Variants in RGS7 observed in about 807,000 individuals in gnomAD.
The protein encoded by RGS7 is regulator of G-protein signaling 7.
In RGS7, 27 loss-of-function variants were observed where a neutral mutation model predicts 81.1. The observed-to-expected ratio is 0.33, with a 90% CI of 0.25 to 0.46. RGS7 has a LOEUF of 0.46. Among genes scored for constraint, RGS7 ranks in the 20% least tolerant of loss-of-function variants. RGS7 has a pLI of 1.00. For synonymous variants in RGS7, 208 were observed against 207.7 expected, an observed-to-expected ratio of 1.00 and a Z score of -0.01; for missense variants, 396 against 607.4, an observed-to-expected ratio of 0.65 and a Z score of 3.66.
chr1:240,997,115 T>C (rs567892137), intron 3 of RGS7, among the ~76,000 whole-genome samples: 1 of 152,034 alleles, frequency 6.6e-6, no homozygotes, highest in South Asian at 2.1e-4. Flanking sequence ...CCCGACTATG[T>C]TTTTATTATT....
At chr1:241,221,391 C>G (rs2075003243) in intron 2 of RGS7, among the ~76,000 whole-genome samples, 1 of 152,194 alleles carries the variant, frequency 6.6e-6, no homozygotes, top group Non-Finnish European at 1.5e-5. Flanking sequence ...TTCCTTTCTT[C>G]CTGAGCATGT....
At chr1:240,872,080 C>T (rs1664589119) in intron 6 of RGS7, among the ~76,000 whole-genome samples, 3 of 152,086 alleles carry the variant, frequency 2.0e-5, no homozygotes, top group Admixed American at 2.0e-4. Context: ...TCTTGTAATA[C>T]AGGTGTCCTA....
At chr1:241,147,793 T>C (rs1307984109) in intron 2 of RGS7, among the ~76,000 whole-genome samples, 6 of 113,312 alleles carry the variant, frequency 5.3e-5, no homozygotes, top group East Asian at 2.9e-4. Flanking sequence ...TATATATATA[T>C]ATATATATAT....
chr1:240,792,746 G>A (rs1686223702), intron 18 of RGS7, among the ~76,000 whole-genome samples: 1 of 152,110 alleles, frequency 6.6e-6, no homozygotes, highest in Non-Finnish European at 1.5e-5. Context: ...AACCAACTCA[G>A]GTGCAACTGT....
At chr1:240,803,698 A>G (rs1164172359) in intron 15 of RGS7, among the ~76,000 whole-genome samples, 1 of 151,910 alleles carries the variant, frequency 6.6e-6, no homozygotes. Flanking sequence ...GTACTCATTC[A>G]ATTCAATCTA....
At chr1:241,183,977 G>A (rs1390597693) in intron 2 of RGS7, among the ~76,000 whole-genome samples, 1 of 152,176 alleles carries the variant, frequency 6.6e-6, no homozygotes, top group Non-Finnish European at 1.5e-5. Flanking sequence ...CAGATGGACA[G>A]AACAGGAGTC....
chr1:241,190,062 C>T (rs569003655), intron 2 of RGS7, among the ~76,000 whole-genome samples: 18 of 151,884 alleles, frequency 1.2e-4, no homozygotes, highest in Admixed American at 3.3e-4. Flanking sequence ...GAGATGGCGC[C>T]ACTGCACTCC....
intron 3 of RGS7, among the ~76,000 whole-genome samples, chr1:241,009,917 A>C (rs988697239): frequency 1.3e-5 from 2 of 152,228 alleles, no homozygotes; most frequent in Non-Finnish European, 2.9e-5. Flanking sequence ...CATCATTCTC[A>C]GTAAACTATC....
chr1:241,219,616 C>A (rs2074777710), intron 2 of RGS7, among the ~76,000 whole-genome samples: 1 of 152,076 alleles, frequency 6.6e-6, no homozygotes, highest in Non-Finnish European at 1.5e-5. Context: ...AGGAATGACA[C>A]CCATTAGTAC....
chr1:241,330,767 T>C (rs920765410), intron 2 of RGS7, among the ~76,000 whole-genome samples: 2 of 152,162 alleles, frequency 1.3e-5, no homozygotes, highest in African/African-American at 4.8e-5. Context: ...CAACAGACTC[T>C]GGGGACTCCA....
intron 18 of RGS7, among the ~76,000 whole-genome samples, chr1:240,789,359 T>G (rs1685586347): frequency 6.6e-6 from 1 of 152,188 alleles, no homozygotes; most frequent in South Asian, 2.1e-4. Context: ...CAATATGAAA[T>G]CTGGGCACCT....
rs778017157 is a variant in RGS7, at chr1:241,106,752, CCACA to C, written c.79-7994_79-7991del. On this transcript the variant is annotated intron_variant, in intron 2 of 18. Coordinates refer to ENST00000440928, the MANE Select transcript of RGS7 (RefSeq NM_001364886.1). The stretch of plus-strand genomic sequence containing the variant: ...AAAAAAAAAAAAACCAACACCACCA[CCACA>C]CACACACACACACACACACACACAC... Among the ~76,000 whole-genome samples, 118 of 121,634 alleles carry C rather than the reference CCACA, an allele frequency of 9.7e-4. 1 individual carries two copies. Among genetic ancestry groups the C allele is most frequent in the East Asian group, 2.8e-3 (12 of 4,294 alleles). The allele number at this position is 121,634 out of a possible 152,430, so 79.8% of individuals were successfully genotyped here.
intron 2 of RGS7, among the ~76,000 whole-genome samples, chr1:241,351,054 C>T (rs2083216198): frequency 6.6e-6 from 1 of 152,242 alleles, no homozygotes; most frequent in South Asian, 2.1e-4. Context: ...AGTACTCTTC[C>T]TGGTTGGGTG....
chr1:241,197,596 A>C (rs1318709957), intron 2 of RGS7, among the ~76,000 whole-genome samples: 1 of 151,952 alleles, frequency 6.6e-6, no homozygotes, highest in African/African-American at 2.4e-5. Context: ...TATAGCAAGA[A>C]GCACCACTAG....
chr1:240,926,296 C>G (rs984830757), intron 6 of RGS7, among the ~76,000 whole-genome samples: 1 of 152,066 alleles, frequency 6.6e-6, no homozygotes, highest in East Asian at 1.9e-4. Context: ...AATCTTTAAT[C>G]GATCTTGAGT....
chr1:241,238,533 CT>C (rs869289066), intron 2 of RGS7, among the ~76,000 whole-genome samples: 2 of 119,050 alleles, frequency 1.7e-5, no homozygotes, highest in African/African-American at 5.1e-5. Flanking sequence ...CCCTCTCTCT[CT>C]TTTTTCTTTT....
intron 4 of RGS7, among the ~76,000 whole-genome samples, chr1:240,942,557 T>C (rs1677774406): frequency 6.6e-6 from 1 of 152,200 alleles, no homozygotes; most frequent in South Asian, 2.1e-4. Flanking sequence ...ATTTTTTTCA[T>C]TTCCAACACA....
Position 241,122,565 on chromosome 1 carries a change from C to T in RGS7, c.79-23803G>A, listed in dbSNP as rs532579591. On this transcript the variant is annotated intron_variant, in intron 2 of 18. Transcript: ENST00000440928. ...TAACCCTAGCTACTTGGGAGGCTGA[C>T]GCAGGAGAATCACTTGAACCCCGAG... Among the ~76,000 whole-genome samples the T allele has an allele frequency of 6.0e-5, 9 of 151,126 alleles. 1 individual carries two copies. The South Asian group carries it at 6.3e-4, about 11-fold the overall frequency.
At chr1:240,848,126 T>C (rs1031673101) in intron 9 of RGS7, among the ~76,000 whole-genome samples, 20 of 152,214 alleles carry the variant, frequency 1.3e-4, no homozygotes, top group Non-Finnish European at 2.4e-4. Flanking sequence ...AAATATACAG[T>C]AGATTTTCCC....
Sources: allele counts gnomAD v4.1 joint callset (sites outside exome capture counted in the v4.1 genomes callset), GRCh38; gene constraint gnomAD v4.1.1; transcripts MANE v1.5; gene names NCBI Gene and HGNC (gene_info 2026-07-23, HGNC 2026-07-21).